SLC16A2: variants seen among roughly 807,000 people sequenced by gnomAD.
SLC16A2 encodes the protein solute carrier family 16 member 2, also known as monocarboxylate transporter 8.
SLC16A2 carries 3 observed loss-of-function variants against 27.2 expected under a neutral mutation model. The observed-to-expected ratio is 0.11, with a 90% CI of 0.05 to 0.28. The LOEUF (loss-of-function observed/expected upper bound fraction) is 0.28, where lower values mean the gene tolerates loss of function less well. Ranked by LOEUF, SLC16A2 falls within the 10% of genes least tolerant of loss-of-function variation. The pLI, the probability that SLC16A2 is intolerant of heterozygous loss-of-function variation, is 1.00. For missense variants in SLC16A2, 295 were observed against 458.5 expected (o/e 0.64, Z 3.26); for synonymous variants, 202 against 187.8 (o/e 1.08, Z -0.62).
At chrX:74,515,641 G>A (rs1259061567) in intron 1 of SLC16A2, among the ~76,000 whole-genome samples, 2 of 110,354 alleles carry the variant, frequency 1.8e-5, no homozygotes, top group Non-Finnish European at 3.8e-5. Flanking sequence ...AGACATGCAC[G>A]TGCATGCACA....
chrX:74,464,679 G>A (rs1362528676), intron 1 of SLC16A2, among the ~76,000 whole-genome samples: 2 of 111,550 alleles, frequency 1.8e-5, no homozygotes, highest in Non-Finnish European at 3.8e-5. Context: ...AGGGGAGACT[G>A]GAAGTCCATA....
chrX:74,454,993 T>C (rs1321253384), intron 1 of SLC16A2, among the ~76,000 whole-genome samples: 1 of 112,359 alleles, frequency 8.9e-6, no homozygotes, highest in Non-Finnish European at 1.9e-5. Context: ...TGTTGGTGCA[T>C]GGCTGACTCA....
At chrX:74,437,950 A>C (rs989007369) in intron 1 of SLC16A2, among the ~76,000 whole-genome samples, 2 of 111,949 alleles carry the variant, frequency 1.8e-5, no homozygotes, top group Non-Finnish European at 3.8e-5. Flanking sequence ...TCCACGTAAG[A>C]CCACCCAACC....
chrX:74,505,268 G>C (rs1930104254), intron 1 of SLC16A2, among the ~76,000 whole-genome samples: 1 of 111,762 alleles, frequency 8.9e-6, no homozygotes, highest in Non-Finnish European at 1.9e-5. Context: ...TGGGAAGCAG[G>C]TTGTTAACTA....
intron 1 of SLC16A2, among the ~76,000 whole-genome samples, chrX:74,454,682 C>A: frequency 9.1e-6 from 1 of 109,813 alleles, no homozygotes; most frequent in Non-Finnish European, 1.9e-5. Context: ...ACATATATGA[C>A]AAACCTGCAC....
In SLC16A2 at chrX:74,435,513, A is replaced by ATATATATATATG. The variant is rs1569283915; in HGVS notation, c.430+13447_430+13458dup. Among the ~76,000 whole-genome samples, 22 of 71,559 alleles carry ATATATATATATG rather than the reference A, an allele frequency of 3.1e-4. No individual in the cohort carries two copies. In the East Asian group the frequency reaches 0.084, roughly 274 times the overall value. The allele number at this position is 71,559 out of a possible 115,157, so 62.1% of individuals were successfully genotyped here. On this transcript the variant is annotated intron_variant, in intron 1 of 5. Transcript: ENST00000587091. Reference sequence around the variant, plus strand: ...CCATCTCTTATATATATGTATATGCATATATATATATGCATATATATATGT... The same window carrying ATATATATATATG: ...CCATCTCTTATATATATGTATATGCATATATATATATGTATATATATATGCATATATATATGT...
chrX:74,423,039 A>G (rs1045029888), intron 1 of SLC16A2, among the ~76,000 whole-genome samples: 14 of 112,989 alleles, frequency 1.2e-4, no homozygotes, highest in African/African-American at 4.5e-4. Context: ...CAGTGGACGC[A>G]AGACCCCAGG....
intron 1 of SLC16A2, among the ~76,000 whole-genome samples, chrX:74,493,608 C>A (rs1198156420): frequency 8.9e-6 from 1 of 112,348 alleles, no homozygotes; most frequent in Non-Finnish European, 1.9e-5. Flanking sequence ...TCAGGGTGAT[C>A]GCCAATGCAG....
intron 2 of SLC16A2, among the ~76,000 whole-genome samples, chrX:74,521,960 G>A (rs774032390): frequency 8.9e-6 from 1 of 111,988 alleles, no homozygotes; most frequent in Admixed American, 9.4e-5. Flanking sequence ...AAGAATGTGT[G>A]TAGGGTAAGG....
At chrX:74,423,569 G>A (rs1174872770) in intron 1 of SLC16A2, among the ~76,000 whole-genome samples, 1 of 111,661 alleles carries the variant, frequency 9.0e-6, no homozygotes, top group Non-Finnish European at 1.9e-5. Context: ...AAGATAGTGC[G>A]TCAGTGGTTG....
chrX:74,445,041 A>C (rs1431110529), intron 1 of SLC16A2, among the ~76,000 whole-genome samples: 3 of 112,401 alleles, frequency 2.7e-5, no homozygotes, highest in Non-Finnish European at 5.6e-5. Context: ...GCAAACCATA[A>C]GAGAGATCTA....
chrX:74,509,845 G>A (rs1350866711), intron 1 of SLC16A2, among the ~76,000 whole-genome samples: 2 of 112,557 alleles, frequency 1.8e-5, no homozygotes, highest in South Asian at 7.3e-4. Context: ...GGGATTACAG[G>A]CGTGGGCCAC....
At chrX:74,514,581 T>A (rs1312270908) in intron 1 of SLC16A2, among the ~76,000 whole-genome samples, 1 of 111,291 alleles carries the variant, frequency 9.0e-6, no homozygotes, top group East Asian at 2.8e-4. Flanking sequence ...AGAGACCACA[T>A]AGGGAGCCTG....
chrX:74,481,177 A>G (rs968551651), intron 1 of SLC16A2, among the ~76,000 whole-genome samples: 1 of 112,191 alleles, frequency 8.9e-6, no homozygotes. Context: ...CTCTTAAAAG[A>G]TATTGGTCTG....
At chrX:74,459,495 A>G (rs1929098174) in intron 1 of SLC16A2, among the ~76,000 whole-genome samples, 1 of 108,558 alleles carries the variant, frequency 9.2e-6, no homozygotes, top group African/African-American at 3.4e-5. Flanking sequence ...CCCCCTCCCC[A>G]CTGGGGCTCT....
chrX:74,511,477 G>A (rs868066219), intron 1 of SLC16A2, among the ~76,000 whole-genome samples: 2 of 112,280 alleles, frequency 1.8e-5, no homozygotes, highest in African/African-American at 3.2e-5. Flanking sequence ...CACCGCACCC[G>A]GCCGCGATTT....
Position 74,532,721 on chromosome X carries a change from C to A in SLC16A2, c.*1168C>A, listed in dbSNP as rs1381091954. The A allele has an allele frequency of 1.8e-5, 2 of 112,007 alleles. No individual in the cohort carries two copies. The highest frequency in any genetic ancestry group is 3.3e-5 in the African/African-American group (1 of 30,760). The allele number at this position is 112,007 out of a possible 1,213,427, so 9.2% of individuals were successfully genotyped here. ...CAAAAAGGTACAGGCAGCAGTTGCA[C>A]ATAGGGTTGGAAAATTTCTTTTGGG... On this transcript the variant is annotated 3_prime_UTR_variant, in exon 6 of 6. Coordinates refer to ENST00000587091, the MANE Select transcript of SLC16A2 (RefSeq NM_006517.5).
At chrX:74,437,849 A>T (rs181556641) in intron 1 of SLC16A2, among the ~76,000 whole-genome samples, 1 of 111,150 alleles carries the variant, frequency 9.0e-6, no homozygotes, top group Non-Finnish European at 1.9e-5. Context: ...CAGGACCCCC[A>T]CCCTCATCAC....
At position 74,527,866 on chromosome X, in the gene SLC16A2, T is replaced by C. The variant is rs746742766; in HGVS notation, c.1171-1347T>C. On this transcript the variant is annotated intron_variant, in intron 4 of 5. Coordinates refer to ENST00000587091, the MANE Select transcript of SLC16A2 (RefSeq NM_006517.5). ...ATAATGGGCTTTGTTGATAGGTGTG[T>C]CTGGTTTTATCCCATAGTTGTGTGT... Among the ~76,000 whole-genome samples the C allele has an allele frequency of 3.6e-5, 4 of 112,139 alleles. No individual in the cohort carries two copies. In the South Asian group the frequency reaches 1.1e-3, roughly 31 times the overall value.
Sources: allele counts gnomAD v4.1 joint callset (sites outside exome capture counted in the v4.1 genomes callset), GRCh38; gene constraint gnomAD v4.1.1; transcripts MANE v1.5; gene names NCBI Gene and HGNC (gene_info 2026-07-23, HGNC 2026-07-21).